The following PRSS36 variants were observed in gnomAD, a reference collection of about 807,000 sequenced individuals.
The protein encoded by PRSS36 is serine protease 36.
PRSS36 carries 90 observed loss-of-function variants against 94.3 expected under a neutral mutation model. The ratio of observed to expected loss-of-function variants is 0.95; its 90% CI spans 0.80 to 1.14. The LOEUF (loss-of-function observed/expected upper bound fraction) is 1.14, where lower values mean the gene tolerates loss of function less well. Ranked by LOEUF, PRSS36 falls within the 50% of genes most tolerant of loss-of-function variation. The pLI, the probability that PRSS36 is intolerant of heterozygous loss-of-function variation, is 0.00. For synonymous variants in PRSS36, 500 were observed against 489.6 expected (o/e 1.02, Z -0.28); for missense variants, 1,158 against 1,135.0 (o/e 1.02, Z -0.29).
chr16:31,143,540 A>G (rs1006599985), intron 7 of PRSS36, 48 bp downstream of exon 7: 2 of 1,609,496 alleles, frequency 1.2e-6, no homozygotes, highest in East Asian at 2.2e-5. Context: ...CTCCATCCCA[A>G]CTCACTCTCC....
rs1437483037 is a variant in PRSS36, at chr16:31,140,336, G to A, written c.2247C>T (p.Thr749=). 6.2e-7 allele frequency: 1 copy of A among 1,614,060 alleles called. No individual in the cohort carries two copies. The highest frequency in any genetic ancestry group is 1.7e-5 in the Admixed American group (1 of 59,992). ...GCCCCTCTGCATACAGGACACAGAG[G>A]GTTCCAGGGGGCAGGATGCCCTGAT... ...CLYQGILPPG[T]LCVLYAEGQE... The change falls in exon 14 of 15, where the codon ACC becomes ACT. Residue 749 remains threonine (T), a synonymous_variant. Transcript: ENST00000268281.
At chr16:31,145,372 CA>C (rs376926791) in intron 6 of PRSS36, among the ~76,000 whole-genome samples, 144 of 44,670 alleles carry the variant, frequency 3.2e-3, no homozygotes, top group Middle Eastern at 0.014. Context: ...GACTCCGTCT[CA>C]AAAAAAAAAA....
In PRSS36 at chr16:31,148,714, T is replaced by C; in HGVS notation, c.273-39A>G. 2.5e-6 allele frequency: 4 copies of C among 1,607,246 alleles called. No individual in the cohort carries two copies. In the South Asian group the frequency reaches 4.4e-5, roughly 18 times the overall value. On this transcript the variant is annotated intron_variant, in intron 4 of 14. Coordinates refer to ENST00000268281, the MANE Select transcript of PRSS36 (RefSeq NM_173502.5). Reference sequence around the variant, plus strand: ...GGGCAGTAGGAGGTTAGGTTGACCCTATGGAGGGGGCAGACCCTCGTTGGG... The same window carrying C: ...GGGCAGTAGGAGGTTAGGTTGACCCCATGGAGGGGGCAGACCCTCGTTGGG...
chr16:31,139,454 C>T, intron 14 of PRSS36, 38 bp from the exon 15 acceptor site: 8 of 1,590,296 alleles, frequency 5.0e-6, no homozygotes, highest in Non-Finnish European at 6.9e-6. Context: ...GTCTGCTGCC[C>T]TTCCTCTTGG....
At position 31,140,283 on chromosome 16, in the gene PRSS36, G is replaced by C. The variant is rs776747421; in HGVS notation, c.2289+11C>G. The C allele has an allele frequency of 2.5e-6, 4 of 1,600,848 alleles. No homozygotes were observed. In the South Asian group the frequency reaches 4.4e-5, roughly 18 times the overall value. ...TCCCCTGCCTACTCCAGGACGCCCA[G>C]GCCCCTGTACCTCACACCTGTTCTC... On this transcript the variant is annotated intron_variant, in intron 14 of 14. Coordinates refer to ENST00000268281, the MANE Select transcript of PRSS36 (RefSeq NM_173502.5).
Position 31,139,157 on chromosome 16 carries a change from G to A in PRSS36, c.2549C>T (p.Thr850Ile). 6.3e-7 allele frequency: 1 copy of A among 1,574,948 alleles called. No homozygotes were observed. Among genetic ancestry groups the A allele is most frequent in the African/African-American group, 1.3e-5 (1 of 74,230 alleles). Residue 850 changes from threonine (T) to isoleucine (I), a missense_variant, in exon 15 of 15, where the codon ACT becomes ATT. Physicochemically the swap from Thr to Ile is moderately conservative, Grantham distance 89. Coordinates refer to ENST00000268281, the MANE Select transcript of PRSS36 (RefSeq NM_173502.5). The part of the protein sequence containing the change: ...PHAVYFLLLL[T>I]LLIQS Reference sequence around the variant, plus strand: ...AGCCCCTCAGCTCTGGATCAGGAGAGTCAGCAGGAGCAGGAAGTAGACTGC... The same window carrying A: ...AGCCCCTCAGCTCTGGATCAGGAGAATCAGCAGGAGCAGGAAGTAGACTGC...
chr16:31,149,333 G>A, intron 3 of PRSS36, 98 bp from the exon 4 acceptor site: 1 of 1,518,688 alleles, frequency 6.6e-7, no homozygotes, highest in Non-Finnish European at 8.9e-7. Context: ...ACCCACTTCA[G>A]TTTGCCCCTC....
intron 4 of PRSS36, 133 bp downstream of exon 4, chr16:31,148,940 A>AT (rs1479552744): frequency 1.8e-5 from 20 of 1,105,700 alleles, no homozygotes; most frequent in Non-Finnish European, 2.3e-5. Flanking sequence ...TGCCTCGAAT[A>AT]GCACCTCGCT....
rs1355341571 is a variant in PRSS36 at position 31,142,658 on chromosome 16, G to A, written c.1358-14C>T. ...CAAGCGCGGGTTCTGGAAGGGAAAA[G>A]GCAGGGAGCCCGCGCTGCGGCCCAG... On this transcript the variant is annotated splice_polypyrimidine_tract_variant and intron_variant, in intron 9 of 14. Coordinates refer to ENST00000268281, the MANE Select transcript of PRSS36 (RefSeq NM_173502.5). The A allele has an allele frequency of 7.0e-7, 1 of 1,432,530 alleles. No homozygotes were observed. Among genetic ancestry groups the A allele is most frequent in the South Asian group, 1.4e-5 (1 of 71,014 alleles). The allele number at this position is 1,432,530 out of a possible 1,614,324, so 88.7% of individuals were successfully genotyped here.
rs2057695746 is a variant in PRSS36 at position 31,141,775 on chromosome 16, A to G, written c.1707T>C (p.Pro569=). ...LEDQLAWDWG[P]DGEETETQTC... ...TCTGTGTCTCAGTCTCCTCCCCATC[A>G]GGGCCCCAATCCCAGGCTAGCTGGT... Residue 569 remains proline (P), a synonymous_variant, in exon 11 of 15, where the codon CCT becomes CCC. Coordinates refer to ENST00000268281, the MANE Select transcript of PRSS36 (RefSeq NM_173502.5). 6.2e-7 allele frequency: 1 copy of G among 1,614,086 alleles called. No individual in the cohort carries two copies. The highest frequency in any genetic ancestry group is 8.5e-7 in the Non-Finnish European group (1 of 1,179,982).
rs745628211 is a variant in PRSS36 at position 31,140,627 on chromosome 16, G to C, written c.2032C>G (p.Pro678Ala). The C allele has an allele frequency of 1.2e-6, 2 of 1,612,564 alleles. No homozygotes were observed. Among genetic ancestry groups the C allele is most frequent in the African/African-American group, 1.3e-5 (1 of 74,908 alleles). The change falls in exon 13 of 15, where the codon CCC becomes GCC. Residue 678 changes from proline (P) to alanine (A), a missense_variant. Transcript: ENST00000268281. ...CTCAGCTCCAGGAGGGCCAGGGGGGGCCTGAGTCCCAGGTGCTGGGGCAGC... is the reference window on the plus strand; with the variant it reads ...CTCAGCTCCAGGAGGGCCAGGGGGGCCCTGAGTCCCAGGTGCTGGGGCAGC... ...IRLPQHLGLR[P>A]PLALLELSSR...
chr16:31,142,389 A>C, intron 10 of PRSS36, 92 bp downstream of exon 10: 224 of 1,319,550 alleles, frequency 1.7e-4, no homozygotes, highest in Non-Finnish European at 2.0e-4. Flanking sequence ...CCCTCTCCCT[A>C]GAGCCCACTT....
At chr16:31,147,157 C>T (rs75034233) in intron 5 of PRSS36, among the ~76,000 whole-genome samples, 3 of 152,052 alleles carry the variant, frequency 2.0e-5, no homozygotes, top group Admixed American at 6.6e-5. Context: ...GCCACAGCAG[C>T]CTTTGCAGCC....
In PRSS36 at chr16:31,144,073, T is replaced by C. The variant is rs559659335; in HGVS notation, c.721-236A>G. Among the ~76,000 whole-genome samples the C allele has an allele frequency of 2.6e-5, 4 of 152,342 alleles. No homozygotes were observed. The East Asian group carries it at 7.7e-4, about 29-fold the overall frequency. On this transcript the variant is annotated intron_variant, in intron 6 of 14. Coordinates refer to ENST00000268281, the MANE Select transcript of PRSS36 (RefSeq NM_173502.5). ...GGAGTGCATTCAAAGCCACACAAGATAATCCTGCAGTTGTCATTAGAGCCA... is the reference window on the plus strand; with the variant it reads ...GGAGTGCATTCAAAGCCACACAAGACAATCCTGCAGTTGTCATTAGAGCCA...
chr16:31,142,499 C>T lies in PRSS36; in HGVS notation c.1503G>A (p.Glu501=), dbSNP rs891942703. The change falls in exon 10 of 15, where the codon GAG becomes GAA. Residue 501 remains glutamate, a synonymous_variant. Transcript: ENST00000268281. ...HALCPAYQEK[E]EVGSCWNDSR... ...CGCTTACCCAGCAGCTGCCCACCTC[C>T]TCCTTTTCCTGGTAGGCAGGGCAGA... 6.7e-7 allele frequency: 1 copy of T among 1,491,050 alleles called. No homozygotes were observed. The highest frequency in any genetic ancestry group is 8.9e-7 in the Non-Finnish European group (1 of 1,122,680). The allele number at this position is 1,491,050 out of a possible 1,614,324, so 92.4% of individuals were successfully genotyped here.
intron 5 of PRSS36, among the ~76,000 whole-genome samples, chr16:31,146,564 C>T (rs983641729): frequency 2.6e-5 from 4 of 152,104 alleles, no homozygotes; most frequent in Admixed American, 6.6e-5. Context: ...GAAAAATAAA[C>T]GGATCACACT....
At position 31,142,659 on chromosome 16, in the gene PRSS36, G is replaced by A; in HGVS notation, c.1358-15C>T. ...AAGCGCGGGTTCTGGAAGGGAAAAG[G>A]CAGGGAGCCCGCGCTGCGGCCCAGA... On this transcript the variant is annotated splice_polypyrimidine_tract_variant and intron_variant, in intron 9 of 14. Coordinates refer to ENST00000268281, the MANE Select transcript of PRSS36 (RefSeq NM_173502.5). 7.0e-7 allele frequency: 1 copy of A among 1,427,730 alleles called. No homozygotes were observed. The highest frequency in any genetic ancestry group is 2.1e-4 in the Middle Eastern group (1 of 4,766). The allele number at this position is 1,427,730 out of a possible 1,614,324, so 88.4% of individuals were successfully genotyped here.
intron 10 of PRSS36, 98 bp from the exon 11 acceptor site, chr16:31,142,058 G>T: frequency 1.9e-6 from 2 of 1,070,526 alleles, no homozygotes; most frequent in Non-Finnish European, 1.4e-6. Flanking sequence ...TCCCATTTGC[G>T]GAAGTATCAA....
chr16:31,146,168 C>T (rs1213470514), intron 5 of PRSS36, among the ~76,000 whole-genome samples: 2 of 152,254 alleles, frequency 1.3e-5, no homozygotes, highest in African/African-American at 4.8e-5. Flanking sequence ...CTAGTGAGAG[C>T]TGCCATGCAT....
Sources: allele counts gnomAD v4.1 joint callset (sites outside exome capture counted in the v4.1 genomes callset), GRCh38; gene constraint gnomAD v4.1.1; transcripts MANE v1.5; gene names NCBI Gene and HGNC (gene_info 2026-07-23, HGNC 2026-07-21).